Variants in DCUN1D3 observed in about 807,000 individuals in gnomAD.
DCUN1D3 encodes defective in cullin neddylation 1 domain containing 3, also known as DCN1-like protein 3.
In DCUN1D3, 6 loss-of-function variants were observed where a neutral mutation model predicts 24.8. The ratio of observed to expected loss-of-function variants is 0.24; its 90% CI spans 0.13 to 0.48. The LOEUF (loss-of-function observed/expected upper bound fraction) is 0.48, where lower values mean the gene tolerates loss of function less well. Ranked by LOEUF, DCUN1D3 falls within the 20% of genes least tolerant of loss-of-function variation. DCUN1D3 has a pLI of 0.99. For synonymous variants in DCUN1D3, 120 were observed against 144.9 expected, an observed-to-expected ratio of 0.83 and a Z score of 1.24; for missense variants, 258 against 379.4, an observed-to-expected ratio of 0.68 and a Z score of 2.66.
chr16:20,895,149 G>C (rs2081909697), intron 1 of DCUN1D3, among the ~76,000 whole-genome samples: 1 of 152,312 alleles, frequency 6.6e-6, no homozygotes, highest in East Asian at 1.9e-4. Context: ...AGGCTGGAGT[G>C]CAGCAGCTCC....
intron 1 of DCUN1D3, among the ~76,000 whole-genome samples, chr16:20,874,206 T>C (rs2081803151): frequency 6.6e-6 from 1 of 152,216 alleles, no homozygotes; most frequent in Admixed American, 6.5e-5. Context: ...ACCAACTGAC[T>C]AGGCCACAAT....
At chr16:20,895,736 A>G (rs2081912493) in intron 1 of DCUN1D3, among the ~76,000 whole-genome samples, 1 of 152,254 alleles carries the variant, frequency 6.6e-6, no homozygotes, top group Admixed American at 6.5e-5. Context: ...TAGTGAAACT[A>G]GATTTGAACT....
At chr16:20,867,254 C>T (rs2081766779) in intron 1 of DCUN1D3, among the ~76,000 whole-genome samples, 1 of 152,164 alleles carries the variant, frequency 6.6e-6, no homozygotes, top group Non-Finnish European at 1.5e-5. Context: ...CTAGAGAGAA[C>T]ACATGACGGA....
rs1385317895 is a variant in DCUN1D3, at chr16:20,855,581, C to T, written c.*4305G>A. 1 of 152,148 alleles carries T rather than the reference C, an allele frequency of 6.6e-6. No individual in the cohort carries two copies. Among genetic ancestry groups the T allele is most frequent in the Non-Finnish European group, 1.5e-5 (1 of 68,028 alleles). 9.4% of individuals were successfully genotyped at this position (152,148 alleles called of 1,614,324 possible). ...TCAGAAGCAGAACCCAATGGTTATG[C>T]AAAGCTATTTGAACTATTTTGGCTT... On this transcript the variant is annotated 3_prime_UTR_variant, in exon 3 of 3. Coordinates refer to ENST00000324344, the MANE Select transcript of DCUN1D3 (RefSeq NM_173475.4).
At chr16:20,885,643 A>G (rs2081865004) in intron 1 of DCUN1D3, among the ~76,000 whole-genome samples, 1 of 152,162 alleles carries the variant, frequency 6.6e-6, no homozygotes, top group African/African-American at 2.4e-5. Context: ...TTTACTGAAA[A>G]AGCAAGTGCC....
rs373730831 is a variant in DCUN1D3 at position 20,860,373 on chromosome 16, C to G, written c.432-4G>C. 2.3e-5 allele frequency: 37 copies of G among 1,607,326 alleles called. 1 individual carries two copies. The African/African-American group carries it at 4.3e-4, about 19-fold the overall frequency. Reference sequence around the variant, plus strand: ...GCAGCCATCAAAAAACTCCTTCCTGCAACAGAAAGGAAAAGGACAATTAAT... The same window carrying G: ...GCAGCCATCAAAAAACTCCTTCCTGGAACAGAAAGGAAAAGGACAATTAAT... On this transcript the variant is annotated splice_polypyrimidine_tract_variant and splice_region_variant and intron_variant, in intron 2 of 2. Coordinates refer to ENST00000324344, the MANE Select transcript of DCUN1D3 (RefSeq NM_173475.4). The surrounding 1 kb of genome is among the most constrained non-coding windows in gnomAD (Gnocchi z 4.3).
chr16:20,882,746 T>C (rs1384432295), intron 1 of DCUN1D3, among the ~76,000 whole-genome samples: 1 of 152,222 alleles, frequency 6.6e-6, no homozygotes, highest in East Asian at 1.9e-4. Flanking sequence ...TGTCCAATCC[T>C]AGAGTCAGTC....
chr16:20,885,906 T>G (rs1258372244), intron 1 of DCUN1D3, among the ~76,000 whole-genome samples: 1 of 152,164 alleles, frequency 6.6e-6, no homozygotes, highest in African/African-American at 2.4e-5. Context: ...AAGAAGCAAT[T>G]AGGCTTTTTC....
At position 20,857,927 on chromosome 16, in the gene DCUN1D3, G is replaced by C. The variant is rs531975359; in HGVS notation, c.*1959C>G. 7.9e-5 allele frequency: 12 copies of C among 152,578 alleles called. No homozygotes were observed. The highest frequency in any genetic ancestry group is 2.9e-4 in the African/African-American group (12 of 41,526). 9.5% of individuals were successfully genotyped at this position (152,578 alleles called of 1,614,324 possible). Reference sequence around the variant, plus strand: ...TAATAATCCTTAAGATGGGAGCCCAGAGCTGTAAGGCTGCTCACAATGGAA... The same window carrying C: ...TAATAATCCTTAAGATGGGAGCCCACAGCTGTAAGGCTGCTCACAATGGAA... On this transcript the variant is annotated 3_prime_UTR_variant, in exon 3 of 3. Coordinates refer to ENST00000324344, the MANE Select transcript of DCUN1D3 (RefSeq NM_173475.4).
At chr16:20,871,203 A>G (rs2081786611) in intron 1 of DCUN1D3, among the ~76,000 whole-genome samples, 1 of 152,208 alleles carries the variant, frequency 6.6e-6, no homozygotes, top group African/African-American at 2.4e-5. Flanking sequence ...CCCTCTGCCA[A>G]AGCAAACGAG....
intron 1 of DCUN1D3, among the ~76,000 whole-genome samples, chr16:20,875,257 A>C (rs1276593319): frequency 7.6e-6 from 1 of 131,510 alleles, no homozygotes; most frequent in Non-Finnish European, 1.6e-5. Flanking sequence ...CACACACACA[A>C]ATGTTGCATC....
rs1399812169 is a variant in DCUN1D3, at chr16:20,860,594, G to A, written c.432-225C>T. Among the ~76,000 whole-genome samples, 2 of 152,176 alleles carry A rather than the reference G, an allele frequency of 1.3e-5. No individual in the cohort carries two copies. The highest frequency in any genetic ancestry group is 3.9e-4 in the East Asian group (2 of 5,192). ...ACAAATTACTATTCTGCTTCTAACA[G>A]TGCCTGGCACACGGTTGGCAGCTGA... On this transcript the variant is annotated intron_variant, in intron 2 of 2. Coordinates refer to ENST00000324344, the MANE Select transcript of DCUN1D3 (RefSeq NM_173475.4). The surrounding 1 kb of genome is among the most constrained non-coding windows in gnomAD (Gnocchi z 4.3).
chr16:20,867,368 G>A (rs2081767525), intron 1 of DCUN1D3, among the ~76,000 whole-genome samples: 1 of 152,118 alleles, frequency 6.6e-6, no homozygotes, highest in Non-Finnish European at 1.5e-5. Flanking sequence ...TGCTCAAGAA[G>A]GATCTCCTAC....
intron 1 of DCUN1D3, among the ~76,000 whole-genome samples, chr16:20,895,268 T>C (rs200657880): frequency 1.1e-3 from 7 of 6,180 alleles, no homozygotes; most frequent in Admixed American, 4.7e-3. Context: ...CTAAGTTTTT[T>C]AAATTTTTTT....
At position 20,860,100 on chromosome 16, in the gene DCUN1D3, C is replaced by T; in HGVS notation, c.701G>A (p.Gly234Glu). ...AGTGTCCCGGGAGATGCCCTTGATC[C>T]CCGAGGGGTTCTCTGTTAGGAAGTT... ...WLNFLTENPSGIKGISRDTWN... is the reference protein window; with the variant it reads ...WLNFLTENPSEIKGISRDTWN... The change falls in exon 3 of 3, where the codon GGG (glycine) becomes GAG (glutamate). Residue 234 changes from glycine (G) to glutamate (E), a missense_variant. Physicochemically the swap from Gly to Glu is moderately conservative, Grantham distance 98. Transcript: ENST00000324344. This position sits in a 1 kb window ranked among gnomAD's most constrained non-coding sequence, Gnocchi z 4.3. 3.7e-6 allele frequency: 6 copies of T among 1,614,228 alleles called. No homozygotes were observed. The highest frequency in any genetic ancestry group is 5.1e-6 in the Non-Finnish European group (6 of 1,180,034).
intron 1 of DCUN1D3, among the ~76,000 whole-genome samples, chr16:20,885,316 G>T (rs2081863615): frequency 6.6e-6 from 1 of 151,920 alleles, no homozygotes; most frequent in Non-Finnish European, 1.5e-5. Flanking sequence ...GTAACACTTG[G>T]CACAGGGACC....
Position 20,890,212 on chromosome 16 carries a change from G to T in DCUN1D3, c.-106+9992C>A, listed in dbSNP as rs75343016. ...CATGATAGCAAATTATCAAACCTGGGATGGGGAGTCATGGGAACCTCCAAA... is the reference window on the plus strand; with the variant it reads ...CATGATAGCAAATTATCAAACCTGGTATGGGGAGTCATGGGAACCTCCAAA... On this transcript the variant is annotated intron_variant, in intron 1 of 2. Coordinates refer to ENST00000324344, the MANE Select transcript of DCUN1D3 (RefSeq NM_173475.4). Among the ~76,000 whole-genome samples the T allele has an allele frequency of 7.5e-3, 1,147 of 152,276 alleles. 23 individuals are homozygous for T. The highest frequency in any genetic ancestry group is 0.026 in the African/African-American group (1,080 of 41,548).
chr16:20,891,437 C>T (rs1328804817), intron 1 of DCUN1D3, among the ~76,000 whole-genome samples: 4 of 152,192 alleles, frequency 2.6e-5, no homozygotes, highest in Non-Finnish European at 5.9e-5. Context: ...AATGCTCTAA[C>T]GGATACAAAT....
At chr16:20,864,603 A>G (rs1307226128) in intron 1 of DCUN1D3, among the ~76,000 whole-genome samples, 1 of 152,228 alleles carries the variant, frequency 6.6e-6, no homozygotes, top group East Asian at 1.9e-4. Context: ...AAGAGCTAAA[A>G]GCAGAACTAC....
Sources: allele counts gnomAD v4.1 joint callset (sites outside exome capture counted in the v4.1 genomes callset), GRCh38; gene constraint gnomAD v4.1.1; non-coding constraint Gnocchi (gnomAD v3.1); transcripts MANE v1.5; gene names NCBI Gene and HGNC (gene_info 2026-07-23, HGNC 2026-07-21).